Variants in GRM5 observed in about 807,000 individuals in gnomAD.
GRM5 encodes the protein glutamate metabotropic receptor 5, also known as metabotropic glutamate receptor 5.
GRM5 carries 19 observed loss-of-function variants against 83.1 expected under a neutral mutation model. The ratio of observed to expected loss-of-function variants is 0.23; its 90% CI spans 0.16 to 0.34. GRM5 has a LOEUF of 0.34. Ranked by LOEUF, GRM5 falls within the 10% of genes least tolerant of loss-of-function variation. The pLI is 1.00. For missense variants in GRM5, 1,160 were observed against 1,588.3 expected (o/e 0.73, Z 4.58); for synonymous variants, 675 against 633.6 (o/e 1.07, Z -0.98).
chr11:88,559,290 T>C (rs1455305953), intron 8 of GRM5, among the ~76,000 whole-genome samples: 1 of 152,204 alleles, frequency 6.6e-6, no homozygotes, highest in African/African-American at 2.4e-5. Context: ...CGGGGAGTTC[T>C]ACTCCTCACT....
chr11:88,746,588 CT>C (rs1942149430), intron 3 of GRM5, among the ~76,000 whole-genome samples: 5 of 150,702 alleles, frequency 3.3e-5, no homozygotes, highest in Non-Finnish European at 7.4e-5. Flanking sequence ...AAAAAATAAG[CT>C]TAAGCCAACA....
intron 3 of GRM5, among the ~76,000 whole-genome samples, chr11:88,737,961 G>A (rs991406510): frequency 2.6e-5 from 4 of 152,002 alleles, no homozygotes; most frequent in African/African-American, 9.7e-5. Context: ...TGATTACAAT[G>A]TTTTTGAAAG....
At chr11:88,583,117 A>T (rs889948564) in intron 7 of GRM5, among the ~76,000 whole-genome samples, 10 of 144,688 alleles carry the variant, frequency 6.9e-5, no homozygotes, top group Admixed American at 6.8e-5. Context: ...TTAAAAGGCA[A>T]AAAAAAAAAA....
At chr11:88,805,293 G>T (rs1183228857) in intron 3 of GRM5, among the ~76,000 whole-genome samples, 1 of 152,158 alleles carries the variant, frequency 6.6e-6, no homozygotes, top group African/African-American at 2.4e-5. Context: ...CCGGATTCAA[G>T]TGATTCTCCT....
chr11:88,806,262 G>GTT (rs1943497920), intron 3 of GRM5, among the ~76,000 whole-genome samples: 1 of 152,132 alleles, frequency 6.6e-6, no homozygotes. Flanking sequence ...GAAAATGTCT[G>GTT]TTTTTCTAAA....
chr11:89,063,578 G>C, intron 1 of GRM5: 1 of 152,222 alleles, frequency 6.6e-6, no homozygotes, highest in East Asian at 1.9e-4. Flanking sequence ...GGCCTCTCCA[G>C]TCCCCGGCTT....
At chr11:88,758,383 T>C (rs1474890076) in intron 3 of GRM5, among the ~76,000 whole-genome samples, 2 of 152,110 alleles carry the variant, frequency 1.3e-5, no homozygotes, top group Non-Finnish European at 2.9e-5. Flanking sequence ...TATAGAAAAG[T>C]ATGTAACCAA....
At chr11:88,824,999 C>T (rs1406097926) in intron 3 of GRM5, among the ~76,000 whole-genome samples, 1 of 152,152 alleles carries the variant, frequency 6.6e-6, no homozygotes, top group Admixed American at 6.5e-5. Context: ...ATATATAACA[C>T]AGATGAGTTA....
intron 3 of GRM5, among the ~76,000 whole-genome samples, chr11:88,831,274 C>A (rs1590892988): frequency 6.6e-6 from 1 of 152,350 alleles, no homozygotes; most frequent in African/African-American, 2.4e-5. Context: ...TTGGCAGCAA[C>A]CCCAACTGCC....
rs2135540014 is a variant in GRM5, at chr11:88,849,899, C to T, written c.911+7G>A. 6.2e-7 allele frequency: 1 copy of T among 1,613,588 alleles called. No individual in the cohort carries two copies. The highest frequency in any genetic ancestry group is 2.2e-5 in the East Asian group (1 of 44,872). On this transcript the variant is annotated splice_region_variant and intron_variant, in intron 3 of 9. Coordinates refer to ENST00000305447, the MANE Select transcript of GRM5 (RefSeq NM_001143831.3). ...AACTCCATGTAAATTTTCTTATTAT[C>T]ACTCACCTGCCCAGAAGCAGAAATT...
At chr11:88,886,832 T>C (rs187479979) in intron 2 of GRM5, among the ~76,000 whole-genome samples, 2 of 152,154 alleles carry the variant, frequency 1.3e-5, no homozygotes, top group African/African-American at 2.4e-5. Context: ...AGGGAGGTAA[T>C]CTTGTTTGGC....
intron 1 of GRM5, among the ~76,000 whole-genome samples, chr11:89,059,130 C>G (rs1941937399): frequency 6.6e-6 from 1 of 152,064 alleles, no homozygotes; most frequent in Non-Finnish European, 1.5e-5. Context: ...CATTTATACT[C>G]AAAATTTTAA....
intron 3 of GRM5, among the ~76,000 whole-genome samples, chr11:88,795,269 G>C (rs1234576185): frequency 6.6e-6 from 1 of 152,156 alleles, no homozygotes; most frequent in Non-Finnish European, 1.5e-5. Context: ...TTGTACAGCT[G>C]GTTACAGATT....
At position 88,892,348 on chromosome 11, in the gene GRM5, A is replaced by G. The variant is rs545649321; in HGVS notation, c.662-42193T>C. Among the ~76,000 whole-genome samples the G allele has an allele frequency of 2.6e-5, 4 of 152,074 alleles. No individual in the cohort carries two copies. In the East Asian group the frequency reaches 7.8e-4, roughly 30 times the overall value. On this transcript the variant is annotated intron_variant, in intron 2 of 9. Coordinates refer to ENST00000305447, the MANE Select transcript of GRM5 (RefSeq NM_001143831.3). The stretch of plus-strand genomic sequence containing the variant: ...TGGACAGGTTTCTTAATCTGTAGTC[A>G]GTAAAGAATGTCACTTTTTAACATG...
chr11:88,652,203 C>T (rs765384796), intron 4 of GRM5, among the ~76,000 whole-genome samples: 1 of 151,964 alleles, frequency 6.6e-6, no homozygotes, highest in Non-Finnish European at 1.5e-5. Context: ...AAAATTTGAA[C>T]AATGTTTCAT....
At chr11:88,950,038 T>A (rs2135677351) in intron 2 of GRM5, among the ~76,000 whole-genome samples, 1 of 151,734 alleles carries the variant, frequency 6.6e-6, no homozygotes, top group East Asian at 1.9e-4. Context: ...CTAATTTTTT[T>A]TTTTTTTTTT....
intron 3 of GRM5, among the ~76,000 whole-genome samples, chr11:88,731,305 T>C (rs1304759986): frequency 6.6e-6 from 1 of 152,070 alleles, no homozygotes; most frequent in Non-Finnish European, 1.5e-5. Context: ...ATCATGCTGT[T>C]TTGTAGCTCC....
At chr11:88,827,093 A>G (rs1943906206) in intron 3 of GRM5, among the ~76,000 whole-genome samples, 1 of 152,210 alleles carries the variant, frequency 6.6e-6, no homozygotes, top group Non-Finnish European at 1.5e-5. Context: ...TGTACAAATG[A>G]CAAATGTGTT....
chr11:88,893,142 C>CAA (rs398017016), intron 2 of GRM5, among the ~76,000 whole-genome samples: 38 of 118,576 alleles, frequency 3.2e-4, no homozygotes, highest in Admixed American at 1.1e-3. Context: ...TAATAGTCAC[C>CAA]AAAAAAAAAA....
Sources: gnomAD v4.1 joint callset for allele counts (sites outside exome capture counted in the v4.1 genomes callset) on GRCh38, gnomAD v4.1.1 for gene constraint, MANE v1.5 for transcripts, NCBI Gene and HGNC (gene_info 2026-07-23, HGNC 2026-07-21) for gene names.